The following COL4A5 variants were observed in gnomAD, a reference collection of about 807,000 sequenced individuals.
COL4A5 encodes the protein collagen alpha-5(IV) chain.
In COL4A5, 26 loss-of-function variants were observed where a neutral mutation model predicts 130.2. The observed-to-expected ratio is 0.20, with a 90% CI of 0.15 to 0.28. The LOEUF is 0.28. Among genes scored for constraint, COL4A5 ranks in the 10% least tolerant of loss-of-function variants. The pLI is 1.00. For synonymous variants in COL4A5, 496 were observed against 439.6 expected, an observed-to-expected ratio of 1.13 and a Z score of -1.60; for missense variants, 1,131 against 1,344.3, an observed-to-expected ratio of 0.84 and a Z score of 2.48.
rs762919277 is a variant in COL4A5 at position 108,568,270 on chromosome X, G to C, written c.277-359G>C. Among the ~76,000 whole-genome samples the C allele has an allele frequency of 4.9e-4, 55 of 111,155 alleles. 1 individual carries two copies. Among genetic ancestry groups the C allele is most frequent in the African/African-American group, 1.4e-3 (42 of 30,511 alleles). Reference sequence around the variant, plus strand: ...GGGGTGATCACTATTAATGTCTTCAGTGGAAATATATTTGCCACTCCCCCA... The same window carrying C: ...GGGGTGATCACTATTAATGTCTTCACTGGAAATATATTTGCCACTCCCCCA... On this transcript the variant is annotated intron_variant, in intron 4 of 52. Coordinates refer to ENST00000328300, the MANE Select transcript of COL4A5 (RefSeq NM_033380.3).
chrX:108,601,246 A>G (rs2066622874), intron 25 of COL4A5, 147 bp from the exon 26 acceptor site: 1 of 474,218 alleles, frequency 2.1e-6, no homozygotes, highest in Non-Finnish European at 3.7e-6. Context: ...TCTTGAATAT[A>G]TAGTGGAAGA....
intron 2 of COL4A5, among the ~76,000 whole-genome samples, chrX:108,548,025 G>A (rs753075609): frequency 1.7e-3 from 195 of 112,006 alleles, no homozygotes; most frequent in African/African-American, 6.2e-3. Flanking sequence ...CCCTTGGCTA[G>A]GAAAGGGAAT....
chrX:108,650,165 A>T (rs1224698641), intron 36 of COL4A5, among the ~76,000 whole-genome samples: 2 of 111,598 alleles, frequency 1.8e-5, no homozygotes, highest in African/African-American at 6.5e-5. Flanking sequence ...AAAACATATG[A>T]AAAAAAATGC....
chrX:108,480,438 A>T (rs2064878021), intron 1 of COL4A5, among the ~76,000 whole-genome samples: 1 of 112,974 alleles, frequency 8.9e-6, no homozygotes, highest in African/African-American at 3.2e-5. Flanking sequence ...TCCAATCAGC[A>T]TAATGTCATC....
Position 108,667,162 on chromosome X carries a change from C to T in COL4A5, c.3583C>T (p.Pro1195Ser), listed in dbSNP as rs1381275340. 2.1e-5 allele frequency: 26 copies of T among 1,209,715 alleles called. No homozygotes were observed. The highest frequency in any genetic ancestry group is 2.9e-5 in the Non-Finnish European group (26 of 893,828). Residue 1195 changes from proline (P) to serine (S), a missense_variant, in exon 40 of 53, where the codon CCT becomes TCT. Pro to Ser is a moderately conservative substitution (Grantham distance 74). Transcript: ENST00000328300. ...ACCAGGCTTTGGAAACCCAGGACCC[C>T]CTGGACTTCCAGGACTTTCTGGTAA... is the stretch of plus-strand genomic sequence containing the variant. Reference protein sequence around the residue: ...GQPGFGNPGPPGLPGLSGQKG... With the variant: ...GQPGFGNPGPSGLPGLSGQKG...
intron 1 of COL4A5, among the ~76,000 whole-genome samples, chrX:108,451,710 A>G (rs1377723503): frequency 9.3e-6 from 1 of 107,765 alleles, no homozygotes; most frequent in Non-Finnish European, 1.9e-5. Context: ...TTTTCTTGTA[A>G]ATTTGTTTGA....
chrX:108,542,677 C>T (rs2065565830), intron 2 of COL4A5, among the ~76,000 whole-genome samples: 1 of 104,515 alleles, frequency 9.6e-6, no homozygotes, highest in African/African-American at 4.1e-5. Flanking sequence ...CTTGAGGAAT[C>T]GCCACACAGT....
intron 49 of COL4A5, among the ~76,000 whole-genome samples, chrX:108,688,023 A>C (rs947789171): frequency 5.4e-4 from 60 of 111,655 alleles, no homozygotes; most frequent in African/African-American, 2.0e-3. Context: ...CAGCTGCTTG[A>C]GTGTGCAGTG....
At chrX:108,623,340 G>A (rs1441755335) in intron 33 of COL4A5, among the ~76,000 whole-genome samples, 1 of 111,458 alleles carries the variant, frequency 9.0e-6, no homozygotes, top group African/African-American at 3.3e-5. Flanking sequence ...AGTTCAGCCC[G>A]AGGGGAAGTC....
intron 1 of COL4A5, among the ~76,000 whole-genome samples, chrX:108,453,997 C>CAGTT (rs1400579066): frequency 8.9e-6 from 1 of 112,068 alleles, no homozygotes; most frequent in Non-Finnish European, 1.9e-5. Context: ...GCTAAAGTTG[C>CAGTT]AGTTACTTTT....
chrX:108,449,396 A>G, intron 1 of COL4A5, among the ~76,000 whole-genome samples: 1 of 112,186 alleles, frequency 8.9e-6, no homozygotes, highest in Middle Eastern at 4.6e-3. Flanking sequence ...GTATAGTTCT[A>G]CAAATGAAAG....
intron 1 of COL4A5, among the ~76,000 whole-genome samples, chrX:108,526,993 C>T (rs2065333984): frequency 9.2e-6 from 1 of 108,817 alleles, no homozygotes; most frequent in Non-Finnish European, 1.9e-5. Context: ...TGGATGTGAA[C>T]TCCCAGGCTC....
chrX:108,513,732 A>C (rs761974669), intron 1 of COL4A5, among the ~76,000 whole-genome samples: 1 of 111,387 alleles, frequency 9.0e-6, no homozygotes, highest in Non-Finnish European at 1.9e-5. Flanking sequence ...TTATTTATCC[A>C]CTTTTTGTGG....
At chrX:108,591,032 A>G in intron 19 of COL4A5, 26 bp from the exon 20 acceptor site, 1 of 1,196,528 alleles carries the variant, frequency 8.4e-7, no homozygotes, top group Non-Finnish European at 1.1e-6. Context: ...AGATGAAATC[A>G]TTTTGATCAC....
chrX:108,472,507 G>A (rs1242732185), intron 1 of COL4A5, among the ~76,000 whole-genome samples: 1 of 111,591 alleles, frequency 9.0e-6, no homozygotes, highest in Non-Finnish European at 1.9e-5. Flanking sequence ...TAGAGGCTCA[G>A]TTACTTGGTG....
At chrX:108,534,601 G>C (rs752639919) in intron 1 of COL4A5, among the ~76,000 whole-genome samples, 2 of 111,103 alleles carry the variant, frequency 1.8e-5, no homozygotes, top group Non-Finnish European at 3.8e-5. Context: ...GTGTCAAGGA[G>C]GGGGAGGATG....
In COL4A5 at chrX:108,580,942, A is replaced by G. The variant is rs1343211733; in HGVS notation, c.892-41A>G. 6.0e-6 allele frequency: 7 copies of G among 1,161,349 alleles called. No homozygotes were observed. The Admixed American group carries it at 1.1e-4, about 18-fold the overall frequency. On this transcript the variant is annotated intron_variant, in intron 15 of 52. Coordinates refer to ENST00000328300, the MANE Select transcript of COL4A5 (RefSeq NM_033380.3). ...TTTAACTTTATGCTTCCTAACTAAC[A>G]AATGTATGTTGTTGCCCTATCATTT...
At chrX:108,507,994 C>G (rs1056983805) in intron 1 of COL4A5, among the ~76,000 whole-genome samples, 1 of 111,284 alleles carries the variant, frequency 9.0e-6, no homozygotes, top group Non-Finnish European at 1.9e-5. Flanking sequence ...AGGATGCTCT[C>G]TCTCGCCACT....
chrX:108,453,654 A>T (rs1198943101), intron 1 of COL4A5, among the ~76,000 whole-genome samples: 2 of 111,636 alleles, frequency 1.8e-5, no homozygotes, highest in Non-Finnish European at 3.8e-5. Flanking sequence ...AAGTTTGAAA[A>T]CTACTGCTAT....
Sources: allele counts gnomAD v4.1 joint callset (sites outside exome capture counted in the v4.1 genomes callset), GRCh38; gene constraint gnomAD v4.1.1; transcripts MANE v1.5; gene names NCBI Gene and HGNC (gene_info 2026-07-23, HGNC 2026-07-21).